MYT1L: variants seen among roughly 807,000 people sequenced by gnomAD.
The protein encoded by MYT1L is myelin transcription factor 1 like, also known as myelin transcription factor 1-like protein.
In MYT1L, 12 loss-of-function variants were observed where a neutral mutation model predicts 126.7. The observed-to-expected ratio is 0.09, with a 90% CI of 0.06 to 0.15. MYT1L has a LOEUF of 0.15. MYT1L is among the 10% of genes least tolerant of loss of function. The pLI, the probability that MYT1L is intolerant of heterozygous loss-of-function variation, is 1.00. For missense variants in MYT1L, 979 were observed against 1,585.2 expected, an observed-to-expected ratio of 0.62 and a Z score of 6.49; for synonymous variants, 541 against 604.2, an observed-to-expected ratio of 0.90 and a Z score of 1.53.
chr2:2,307,032 G>T (rs2095868032), intron 1 of MYT1L, among the ~76,000 whole-genome samples: 1 of 152,148 alleles, frequency 6.6e-6, no homozygotes, highest in East Asian at 1.9e-4. Flanking sequence ...AATAGGGTGT[G>T]TTTGCATAGA....
Position 2,131,905 on chromosome 2 carries a change from CTTTTTTTTTT to C in MYT1L, c.-304+40957_-304+40966del, listed in dbSNP as rs58810405. Among the ~76,000 whole-genome samples the C allele has an allele frequency of 2.7e-3, 305 of 111,088 alleles. 3 individuals are homozygous for C. Among genetic ancestry groups the C allele is most frequent in the Middle Eastern group, 5.6e-3 (1 of 178 alleles). 72.9% of individuals were successfully genotyped at this position (111,088 alleles called of 152,430 possible). On this transcript the variant is annotated intron_variant, in intron 3 of 24. Transcript: ENST00000647738. ...AAGGGGACATGCAAGAGAGTTCATC[CTTTTTTTTTT>C]TTTTTTTTTTTTGAGATGGAGTCTC... is the stretch of plus-strand genomic sequence containing the variant.
intron 4 of MYT1L, among the ~76,000 whole-genome samples, chr2:2,052,853 A>C (rs987883213): frequency 1.3e-5 from 2 of 152,364 alleles, no homozygotes; most frequent in African/African-American, 4.8e-5. Flanking sequence ...TTTATGGTGC[A>C]GCCACTATTG....
At chr2:1,863,453 T>C (rs2044984401) in intron 18 of MYT1L, among the ~76,000 whole-genome samples, 1 of 152,196 alleles carries the variant, frequency 6.6e-6, no homozygotes, top group Non-Finnish European at 1.5e-5. Context: ...GTGAGAAGAC[T>C]GAGCTCAGAT....
At chr2:1,983,607 C>T (rs751881417) in intron 5 of MYT1L, among the ~76,000 whole-genome samples, 7 of 152,358 alleles carry the variant, frequency 4.6e-5, no homozygotes, top group Non-Finnish European at 8.8e-5. Context: ...TCCATCCTGC[C>T]CTGCCCTTCT....
intron 4 of MYT1L, among the ~76,000 whole-genome samples, chr2:2,007,831 G>A (rs1004213193): frequency 1.3e-5 from 2 of 152,226 alleles, no homozygotes; most frequent in African/African-American, 4.8e-5. Context: ...ACTAGCTTTG[G>A]GAGACATTTA....
chr2:1,917,833 A>G lies in MYT1L; in HGVS notation c.1484-494T>C, dbSNP rs2053071479. Among the ~76,000 whole-genome samples the G allele has an allele frequency of 6.6e-6, 1 of 152,224 alleles. No homozygotes were observed. Among genetic ancestry groups the G allele is most frequent in the South Asian group, 2.1e-4 (1 of 4,828 alleles). Reference sequence around the variant, plus strand: ...CTAGAAGCTGCAGGATTTTACTGACATTGAAATTTGCTCTCCGGAGGTCAA... The same window carrying G: ...CTAGAAGCTGCAGGATTTTACTGACGTTGAAATTTGCTCTCCGGAGGTCAA... On this transcript the variant is annotated intron_variant, in intron 10 of 24. Coordinates refer to ENST00000647738, the MANE Select transcript of MYT1L (RefSeq NM_001303052.2). This position sits in a 1 kb window ranked among gnomAD's most constrained non-coding sequence, Gnocchi z 5.9.
intron 1 of MYT1L, among the ~76,000 whole-genome samples, chr2:2,301,915 T>C (rs1007406826): frequency 6.6e-6 from 1 of 152,020 alleles, no homozygotes; most frequent in African/African-American, 2.4e-5. Flanking sequence ...TCATGTGAAT[T>C]TGATCAAACC....
chr2:1,851,695 G>T lies in MYT1L; in HGVS notation c.2720C>A (p.Thr907Lys). ...ATGTCCAGAACCATCACAGCCAGGC[G>T]TGGGGCACCTACAATAAAAAATGCA... ...ATSSQELKCP[T>K]PGCDGSGHIT... Residue 907 changes from threonine to lysine, a missense_variant, in exon 19 of 25, where the codon ACG (threonine) becomes AAG (lysine). Physicochemically the swap from Thr to Lys is moderately conservative, Grantham distance 78 (BLOSUM62 -1). Transcript: ENST00000647738. 1 of 1,613,742 alleles carries T rather than the reference G, an allele frequency of 6.2e-7. No individual in the cohort carries two copies. The highest frequency in any genetic ancestry group is 8.5e-7 in the Non-Finnish European group (1 of 1,179,690).
Position 1,887,186 on chromosome 2 carries a change from TA to T in MYT1L, c.2642+301del. ...TATGTTTAAAAAAAAAAAAAACTTT[TA>T]AAAAAGTTTCATTGTTTCCAGTTTA... On this transcript the variant is annotated intron_variant, in intron 17 of 24. Transcript: ENST00000647738. The surrounding 1 kb of genome is among the most constrained non-coding windows in gnomAD (Gnocchi z 4.8). 2.4e-6 allele frequency: 1 copy of T among 416,860 alleles called. No homozygotes were observed. Among genetic ancestry groups the T allele is most frequent in the East Asian group, 3.5e-5 (1 of 28,652 alleles). 25.8% of individuals were successfully genotyped at this position (416,860 alleles called of 1,614,324 possible).
At chr2:2,255,878 G>A (rs991372736) in intron 2 of MYT1L, among the ~76,000 whole-genome samples, 1 of 152,118 alleles carries the variant, frequency 6.6e-6, no homozygotes, top group African/African-American at 2.4e-5. Flanking sequence ...CCTATTAGGG[G>A]CCAGTTGAAG....
At chr2:1,859,816 C>T (rs1221260930) in intron 18 of MYT1L, among the ~76,000 whole-genome samples, 1 of 152,248 alleles carries the variant, frequency 6.6e-6, no homozygotes, top group Non-Finnish European at 1.5e-5. Context: ...AGGACGCACG[C>T]ATGCTGCCCC....
At chr2:1,820,836 C>T (rs188802896) in intron 21 of MYT1L, among the ~76,000 whole-genome samples, 1 of 152,164 alleles carries the variant, frequency 6.6e-6, no homozygotes, top group Non-Finnish European at 1.5e-5. Flanking sequence ...TGTGAGCCAC[C>T]ACACTTGGCC....
At chr2:1,863,832 T>C (rs1035459809) in intron 18 of MYT1L, among the ~76,000 whole-genome samples, 2 of 152,088 alleles carry the variant, frequency 1.3e-5, no homozygotes, top group Non-Finnish European at 2.9e-5. Context: ...GGGAAGTAGA[T>C]GTTATAAGGC....
At position 1,839,358 on chromosome 2, in the gene MYT1L, G is replaced by A. The variant is rs59128763; in HGVS notation, c.2871C>T (p.Pro957=). The A allele has an allele frequency of 7.8e-3, 12,643 of 1,612,548 alleles. 791 individuals are homozygous for A. The African/African-American group carries it at 0.14, about 18-fold the overall frequency. The change falls in exon 21 of 25, where the codon CCC becomes CCT. Residue 957 remains proline, a synonymous_variant. Transcript: ENST00000647738. ...TGATGTGGCCCTGGCCGTCGCACCC[G>A]GGGACCGGACACCTGTAGGCAGGCA... The part of the protein sequence containing the change: ...EDQEPIRCPV[P]GCDGQGHITG...
chr2:1,828,933 C>CT (rs2039735646), intron 21 of MYT1L, among the ~76,000 whole-genome samples: 1 of 152,162 alleles, frequency 6.6e-6, no homozygotes, highest in South Asian at 2.1e-4. Flanking sequence ...AGAGTTAGAA[C>CT]TTTAAGTTTG....
chr2:2,234,220 C>G (rs2094228239), intron 2 of MYT1L, among the ~76,000 whole-genome samples: 1 of 151,974 alleles, frequency 6.6e-6, no homozygotes, highest in Non-Finnish European at 1.5e-5. Context: ...TACATGTTGC[C>G]CTTTTCTAAA....
intron 1 of MYT1L, among the ~76,000 whole-genome samples, chr2:2,285,789 C>T (rs1016608672): frequency 3.9e-5 from 6 of 152,178 alleles, no homozygotes; most frequent in South Asian, 2.1e-4. Flanking sequence ...TCCTCAAAGT[C>T]GGCATCATTA....
chr2:2,100,419 CCTT>C (rs1004333627), intron 3 of MYT1L, among the ~76,000 whole-genome samples: 3 of 152,088 alleles, frequency 2.0e-5, no homozygotes, highest in African/African-American at 2.4e-5. Flanking sequence ...ACTGAGCCCT[CCTT>C]TTTTCCAGAT....
intron 8 of MYT1L, among the ~76,000 whole-genome samples, chr2:1,952,544 C>T (rs1031720547): frequency 6.6e-6 from 1 of 151,704 alleles, no homozygotes; most frequent in Non-Finnish European, 1.5e-5. Context: ...TCTTATATGT[C>T]TATTTTTTCT....
Sources: allele counts gnomAD v4.1 joint callset (sites outside exome capture counted in the v4.1 genomes callset), GRCh38; gene constraint gnomAD v4.1.1; non-coding constraint Gnocchi (gnomAD v3.1); transcripts MANE v1.5; gene names NCBI Gene and HGNC (gene_info 2026-07-23, HGNC 2026-07-21).